PRKCB: variants seen among roughly 807,000 people sequenced by gnomAD.
The protein encoded by PRKCB is protein kinase C beta, also known as protein kinase C beta type.
Under a neutral mutation model 81.5 loss-of-function variants are expected in PRKCB, and 13 were observed. The observed-to-expected ratio is 0.16, with a 90% CI of 0.10 to 0.25. The LOEUF (loss-of-function observed/expected upper bound fraction) is 0.25, where lower values mean the gene tolerates loss of function less well. Ranked by LOEUF, PRKCB falls within the 10% of genes least tolerant of loss-of-function variation. The pLI is 1.00. For synonymous variants in PRKCB, 335 were observed against 321.4 expected, an observed-to-expected ratio of 1.04 and a Z score of -0.45; for missense variants, 509 against 875.7, an observed-to-expected ratio of 0.58 and a Z score of 5.29.
At chr16:24,129,531 C>A (rs934464083) in intron 9 of PRKCB, among the ~76,000 whole-genome samples, 1 of 152,026 alleles carries the variant, frequency 6.6e-6, no homozygotes, top group Non-Finnish European at 1.5e-5. Context: ...ATCTATCTAT[C>A]TATCTATCTA....
Position 24,219,778 on chromosome 16 carries a change from C to A in PRKCB, c.*4962C>A. On this transcript the variant is annotated 3_prime_UTR_variant, in exon 17 of 17. Transcript: ENST00000643927. ...AGAAAATTTCCACCACATTTCTATCCCCAAGCCAACATACAATGTGAAATG... is the reference window on the plus strand; with the variant it reads ...AGAAAATTTCCACCACATTTCTATCACCAAGCCAACATACAATGTGAAATG... 7.2e-7 allele frequency: 1 copy of A among 1,398,536 alleles called. No individual in the cohort carries two copies. Among genetic ancestry groups the A allele is most frequent in the Non-Finnish European group, 9.3e-7 (1 of 1,078,248 alleles). The allele number at this position is 1,398,536 out of a possible 1,614,324, so 86.6% of individuals were successfully genotyped here. A position where few individuals can be genotyped will look rare whatever the true frequency, so the allele number is the denominator to read the frequency against.
At chr16:23,998,100 G>T (rs1487101306) in intron 3 of PRKCB, among the ~76,000 whole-genome samples, 1 of 152,154 alleles carries the variant, frequency 6.6e-6, no homozygotes, top group East Asian at 1.9e-4. Context: ...GAACAAAAAG[G>T]CAGAGGAAGG....
intron 2 of PRKCB, among the ~76,000 whole-genome samples, chr16:23,956,795 A>G (rs1964354942): frequency 6.6e-6 from 1 of 152,110 alleles, no homozygotes; most frequent in Non-Finnish European, 1.5e-5. Context: ...CCTGAGGAGG[A>G]CTGAAAGGTC....
At chr16:24,037,961 G>T (rs1433264632) in intron 5 of PRKCB, among the ~76,000 whole-genome samples, 1 of 152,108 alleles carries the variant, frequency 6.6e-6, no homozygotes, top group Non-Finnish European at 1.5e-5. Context: ...ACCGAGGTGG[G>T]TGGATCACTT....
rs1369697694 is a variant in PRKCB at position 24,214,818 on chromosome 16, T to A, written c.*2T>A. ...TTAAAACCCGAAGTCAAGAGCTAAG[T>A]AGATGTGTAGATCTCCGTCCTTCAT... On this transcript the variant is annotated 3_prime_UTR_variant, in exon 17 of 17. Coordinates refer to ENST00000643927, the MANE Select transcript of PRKCB (RefSeq NM_002738.7). 1.9e-6 allele frequency: 3 copies of A among 1,613,684 alleles called. No individual in the cohort carries two copies. The highest frequency in any genetic ancestry group is 2.5e-6 in the Non-Finnish European group (3 of 1,179,720).
At position 24,111,074 on chromosome 16, in the gene PRKCB, G is replaced by A. The variant is rs534992471; in HGVS notation, c.822-1899G>A. 10 of 152,254 alleles carry A rather than the reference G, an allele frequency of 6.6e-5. No homozygotes were observed. In the East Asian group the frequency reaches 1.7e-3, roughly 26 times the overall value. The allele number at this position is 152,254 out of a possible 1,614,324, so 9.4% of individuals were successfully genotyped here. ...TTCTTTCTATTACTTTAATTTGTAG[G>A]AATCCCTGGAAGTCCCTGCTGTGTG... On this transcript the variant is annotated intron_variant, in intron 7 of 16. Coordinates refer to ENST00000643927, the MANE Select transcript of PRKCB (RefSeq NM_002738.7).
chr16:24,168,541 CTTTTT>C (rs56671761), intron 10 of PRKCB, among the ~76,000 whole-genome samples: 10 of 76,388 alleles, frequency 1.3e-4, no homozygotes, highest in East Asian at 3.5e-4. Context: ...TCTTCTTCTA[CTTTTT>C]TTTTTTTTTT....
intron 2 of PRKCB, among the ~76,000 whole-genome samples, chr16:23,850,483 G>A (rs529518914): frequency 3.9e-5 from 6 of 151,972 alleles, no homozygotes; most frequent in African/African-American, 9.7e-5. Context: ...CTCCTGCCTC[G>A]GCCTCCCAAG....
At chr16:23,850,849 A>AATTTGCAT (rs1324516548) in intron 2 of PRKCB, among the ~76,000 whole-genome samples, 1 of 152,048 alleles carries the variant, frequency 6.6e-6, no homozygotes, top group East Asian at 1.9e-4. Flanking sequence ...CTGTGGTTTT[A>AATTTGCAT]ATTTGCATTT....
At chr16:24,119,006 T>C (rs1966766408) in intron 8 of PRKCB, among the ~76,000 whole-genome samples, 1 of 152,104 alleles carries the variant, frequency 6.6e-6, no homozygotes, top group Non-Finnish European at 1.5e-5. Context: ...CAGATCCCCT[T>C]CTTCAAAAGA....
chr16:24,069,955 G>C (rs1966086967), intron 5 of PRKCB, among the ~76,000 whole-genome samples: 1 of 152,096 alleles, frequency 6.6e-6, no homozygotes, highest in Non-Finnish European at 1.5e-5. Flanking sequence ...TCAGTGTGTG[G>C]CTCACACTGT....
At chr16:23,951,438 T>C (rs1471879200) in intron 2 of PRKCB, among the ~76,000 whole-genome samples, 1 of 152,220 alleles carries the variant, frequency 6.6e-6, no homozygotes, top group Admixed American at 6.5e-5. Flanking sequence ...GTGGCTTTTT[T>C]ATTTGAGACA....
At chr16:24,143,004 G>T (rs1966925565) in intron 9 of PRKCB, among the ~76,000 whole-genome samples, 1 of 152,120 alleles carries the variant, frequency 6.6e-6, no homozygotes, top group Non-Finnish European at 1.5e-5. Flanking sequence ...GCTGTAACTT[G>T]CTTGTCTGTC....
intron 2 of PRKCB, among the ~76,000 whole-genome samples, chr16:23,987,639 A>T (rs1964819200): frequency 6.6e-6 from 1 of 152,092 alleles, no homozygotes; most frequent in Non-Finnish European, 1.5e-5. Context: ...GTCACTAGGG[A>T]TGGCCTTGAG....
intron 2 of PRKCB, among the ~76,000 whole-genome samples, chr16:23,849,316 T>C (rs1962432202): frequency 6.6e-6 from 1 of 152,180 alleles, no homozygotes; most frequent in Non-Finnish European, 1.5e-5. Flanking sequence ...AGCTGACAGA[T>C]AGTGTAGGTG....
intron 2 of PRKCB, among the ~76,000 whole-genome samples, chr16:23,895,638 G>T (rs780272970): frequency 2.0e-5 from 3 of 152,270 alleles, no homozygotes; most frequent in Non-Finnish European, 4.4e-5. Flanking sequence ...TTATTGTGAA[G>T]TTACTCAGAT....
chr16:23,875,728 CATAT>C (rs1343281471), intron 2 of PRKCB, among the ~76,000 whole-genome samples: 6 of 48,002 alleles, frequency 1.2e-4, no homozygotes, highest in African/African-American at 4.8e-4. Context: ...GTATATCACA[CATAT>C]ATATGTATGT....
intron 2 of PRKCB, among the ~76,000 whole-genome samples, chr16:23,932,130 T>G (rs1275763424): frequency 6.6e-6 from 1 of 152,088 alleles, no homozygotes; most frequent in Admixed American, 6.5e-5. Flanking sequence ...ACCAATGGCA[T>G]GGAAGTGTGA....
Position 24,219,145 on chromosome 16 carries a change from A to G in PRKCB, c.*4329A>G, listed in dbSNP as rs1001671958. The G allele has an allele frequency of 1.9e-5, 19 of 985,266 alleles. No individual in the cohort carries two copies. The highest frequency in any genetic ancestry group is 2.3e-5 in the Non-Finnish European group (19 of 829,962). 61.0% of individuals were successfully genotyped at this position (985,266 alleles called of 1,614,324 possible). On this transcript the variant is annotated 3_prime_UTR_variant, in exon 17 of 17. Transcript: ENST00000643927. ...ATGTTCCCTGGTGAGACTTGCCCCA[A>G]GCAATTGCTAGTAAATGGGGGTTAA...
Sources: allele counts gnomAD v4.1 joint callset (sites outside exome capture counted in the v4.1 genomes callset), GRCh38; gene constraint gnomAD v4.1.1; transcripts MANE v1.5; gene names NCBI Gene and HGNC (gene_info 2026-07-23, HGNC 2026-07-21).